EPHA6: variants seen among roughly 807,000 people sequenced by gnomAD.
The protein encoded by EPHA6 is ephrin type-A receptor 6.
A neutral mutation model predicts 112.0 loss-of-function variants in EPHA6; 50 were observed. That is an observed-to-expected ratio of 0.45 (90% CI 0.36 to 0.56). The LOEUF is 0.56. Ranked by LOEUF, EPHA6 falls within the 20% of genes least tolerant of loss-of-function variation. EPHA6 has a pLI of 0.00. For synonymous variants in EPHA6, 529 were observed against 490.7 expected (o/e 1.08, Z -1.03); for missense variants, 1,280 against 1,417.4 (o/e 0.90, Z 1.56).
At chr3:96,924,656 G>A (rs2039942698) in intron 2 of EPHA6, among the ~76,000 whole-genome samples, 2 of 152,046 alleles carry the variant, frequency 1.3e-5, no homozygotes, top group Admixed American at 1.3e-4. Flanking sequence ...GCCCTGGCCA[G>A]AACTTCCAGT....
rs191195316 is a variant in EPHA6 at position 97,729,192 on chromosome 3, T to C, written c.2935-6733T>C. ...TGTAACGCCTTTTTTCTATAATTCT[T>C]TTTATTAGTATACCTAATTTCATTT... is the stretch of plus-strand genomic sequence containing the variant. On this transcript the variant is annotated intron_variant, in intron 15 of 17. Transcript: ENST00000389672. Among the ~76,000 whole-genome samples the C allele has an allele frequency of 1.1e-3, 174 of 151,638 alleles. 1 individual carries two copies. Among genetic ancestry groups the C allele is most frequent in the Admixed American group, 4.5e-3 (69 of 15,282 alleles).
intron 5 of EPHA6, among the ~76,000 whole-genome samples, chr3:97,274,919 T>C (rs2108648956): frequency 6.6e-6 from 1 of 152,192 alleles, no homozygotes; most frequent in East Asian, 1.9e-4. Flanking sequence ...TGAGTATAGC[T>C]GAAGGAGCCG....
chr3:97,481,698 C>A (rs1019452625), intron 9 of EPHA6, among the ~76,000 whole-genome samples: 2 of 152,084 alleles, frequency 1.3e-5, no homozygotes, highest in Non-Finnish European at 2.9e-5. Flanking sequence ...CCGCCCCGGC[C>A]CCGCCCCCTG....
intron 11 of EPHA6, chr3:97,572,711 G>T (rs1016293465): frequency 3.3e-5 from 5 of 152,112 alleles, no homozygotes; most frequent in African/African-American, 9.7e-5. Context: ...GCTCAGAAGA[G>T]ACCAACTTTC....
At chr3:97,608,645 G>T (rs949694716) in intron 12 of EPHA6, among the ~76,000 whole-genome samples, 1 of 151,184 alleles carries the variant, frequency 6.6e-6, no homozygotes, top group Non-Finnish European at 1.5e-5. Flanking sequence ...GGGGAGAGAC[G>T]GTAAGATTAG....
At chr3:96,919,916 T>C (rs2039676329) in intron 2 of EPHA6, among the ~76,000 whole-genome samples, 1 of 151,912 alleles carries the variant, frequency 6.6e-6, no homozygotes, top group African/African-American at 2.4e-5. Context: ...CTTTGCTAAT[T>C]ACCCAGTTAT....
At chr3:97,474,918 G>A (rs2107459376) in intron 7 of EPHA6, among the ~76,000 whole-genome samples, 1 of 152,112 alleles carries the variant, frequency 6.6e-6, no homozygotes, top group Non-Finnish European at 1.5e-5. Flanking sequence ...TTCTTAAAAG[G>A]AATTATACAG....
At chr3:97,710,639 A>G (rs905676557) in intron 14 of EPHA6, among the ~76,000 whole-genome samples, 2 of 152,182 alleles carry the variant, frequency 1.3e-5, no homozygotes, top group African/African-American at 4.8e-5. Context: ...GAACTACAAG[A>G]TACAAGTCCA....
intron 5 of EPHA6, among the ~76,000 whole-genome samples, chr3:97,396,837 A>G (rs2086721564): frequency 6.6e-6 from 1 of 151,806 alleles, no homozygotes; most frequent in South Asian, 2.1e-4. Flanking sequence ...ATAGTTAACC[A>G]GACTAATTTA....
intron 2 of EPHA6, among the ~76,000 whole-genome samples, chr3:96,951,035 C>T (rs368550095): frequency 4.0e-5 from 6 of 151,854 alleles, no homozygotes; most frequent in South Asian, 2.1e-4. Flanking sequence ...TGATATTCAG[C>T]GTTGGCAGTG....
At chr3:96,828,382 A>G (rs1196731455) in intron 1 of EPHA6, among the ~76,000 whole-genome samples, 3 of 152,146 alleles carry the variant, frequency 2.0e-5, no homozygotes, top group Non-Finnish European at 4.4e-5. Context: ...AAGAAAATTT[A>G]AAAAACTACC....
chr3:97,201,095 A>G (rs932806985), intron 3 of EPHA6, among the ~76,000 whole-genome samples: 1 of 152,170 alleles, frequency 6.6e-6, no homozygotes, highest in Non-Finnish European at 1.5e-5. Context: ...TTCAATAACC[A>G]TGCAAAATAA....
intron 12 of EPHA6, among the ~76,000 whole-genome samples, chr3:97,604,813 A>C (rs2093668701): frequency 6.6e-6 from 1 of 151,678 alleles, no homozygotes; most frequent in Non-Finnish European, 1.5e-5. Context: ...ATTTAGGATT[A>C]AAAATTATTG....
At chr3:97,220,897 G>A (rs2078175636) in intron 3 of EPHA6, among the ~76,000 whole-genome samples, 1 of 152,218 alleles carries the variant, frequency 6.6e-6, no homozygotes, top group Admixed American at 6.5e-5. Context: ...AAACTGTGGA[G>A]TGGATATGAG....
intron 3 of EPHA6, among the ~76,000 whole-genome samples, chr3:96,989,328 G>A (rs796453723): frequency 6.6e-6 from 1 of 152,188 alleles, no homozygotes; most frequent in Non-Finnish European, 1.5e-5. Flanking sequence ...ATTTGCATGA[G>A]AAGTCGGTAG....
rs940984407 is a variant in EPHA6, at chr3:97,195,929, T to G, written c.1115-30335T>G. On this transcript the variant is annotated intron_variant, in intron 3 of 17. Coordinates refer to ENST00000389672, the MANE Select transcript of EPHA6 (RefSeq NM_001080448.3). ...TTAGGATCTTTTCTTTATCCTTGAC[T>G]TTTATGAGTTTGATTATTAAATGTC... is the stretch of plus-strand genomic sequence containing the variant. 1.3e-4 allele frequency among the ~76,000 whole-genome samples: 20 copies of G among 152,078 alleles called. 1 individual carries two copies. Among genetic ancestry groups the G allele is most frequent in the Non-Finnish European group, 1.3e-4 (9 of 67,980 alleles).
At chr3:97,279,291 A>G (rs2080206562) in intron 5 of EPHA6, among the ~76,000 whole-genome samples, 1 of 152,152 alleles carries the variant, frequency 6.6e-6, no homozygotes, top group Non-Finnish European at 1.5e-5. Context: ...TAGTGTTCTT[A>G]CTGTGACTAT....
intron 3 of EPHA6, among the ~76,000 whole-genome samples, chr3:97,052,748 G>A (rs1260045971): frequency 6.6e-6 from 1 of 152,014 alleles, no homozygotes; most frequent in East Asian, 1.9e-4. Flanking sequence ...TTTAAGTAAG[G>A]GAGTCAGATA....
At chr3:96,883,077 A>G (rs764950475) in intron 2 of EPHA6, among the ~76,000 whole-genome samples, 6 of 152,088 alleles carry the variant, frequency 3.9e-5, no homozygotes, top group Non-Finnish European at 8.8e-5. Context: ...CACTGCATCC[A>G]TGGCAACATC....
Sources: allele counts gnomAD v4.1 joint callset (sites outside exome capture counted in the v4.1 genomes callset), GRCh38; gene constraint gnomAD v4.1.1; transcripts MANE v1.5; gene names NCBI Gene and HGNC (gene_info 2026-07-23, HGNC 2026-07-21).